The following RIMBP2 variants were observed in gnomAD, a reference collection of about 807,000 sequenced individuals.
RIMBP2 encodes the protein RIMS binding protein 2.
Under a neutral mutation model 118.6 loss-of-function variants are expected in RIMBP2, and 48 were observed. The ratio of observed to expected loss-of-function variants is 0.40; its 90% CI spans 0.32 to 0.51. RIMBP2 has a LOEUF of 0.51. Ranked by LOEUF, RIMBP2 falls within the 20% of genes least tolerant of loss-of-function variation. The pLI, the probability that RIMBP2 is intolerant of heterozygous loss-of-function variation, is 0.41. For missense variants in RIMBP2, 1,551 were observed against 1,768.3 expected, an observed-to-expected ratio of 0.88 and a Z score of 2.20; for synonymous variants, 762 against 742.9, an observed-to-expected ratio of 1.03 and a Z score of -0.42.
At chr12:130,481,500 G>A (rs954434865) in intron 4 of RIMBP2, among the ~76,000 whole-genome samples, 21 of 152,262 alleles carry the variant, frequency 1.4e-4, no homozygotes, top group Non-Finnish European at 2.4e-4. Flanking sequence ...CCTCTCTGCT[G>A]TCTCCAGAAG....
intron 6 of RIMBP2, among the ~76,000 whole-genome samples, chr12:130,460,533 T>C (rs75775708): frequency 0.031 from 4,779 of 152,170 alleles, 260 homozygotes; most frequent in African/African-American, 0.11. Context: ...GTATTAGTAT[T>C]AATAGCAGCC....
Position 130,429,913 on chromosome 12 carries a change from G to A in RIMBP2, c.2254-1576C>T, listed in dbSNP as rs574787324. 2 of 152,302 alleles carry A rather than the reference G, an allele frequency of 1.3e-5. 1 individual carries two copies. Among genetic ancestry groups the A allele is most frequent in the South Asian group, 4.1e-4 (2 of 4,824 alleles). 9.4% of individuals were successfully genotyped at this position (152,302 alleles called of 1,614,324 possible). ...GGGTTTAAATGGATTTAAAAGGTGA[G>A]ACTGGGTCTAACGAGGCCCTCCCAA... On this transcript the variant is annotated intron_variant, in intron 14 of 22. Transcript: ENST00000690449.
At chr12:130,494,415 G>A (rs922923662) in intron 4 of RIMBP2, among the ~76,000 whole-genome samples, 5 of 152,094 alleles carry the variant, frequency 3.3e-5, no homozygotes, top group African/African-American at 1.2e-4. Flanking sequence ...AAGGCAGGCA[G>A]ATCACCCGAG....
chr12:130,561,053 G>A (rs1159185915), intron 2 of RIMBP2, among the ~76,000 whole-genome samples: 2 of 152,184 alleles, frequency 1.3e-5, no homozygotes, highest in Non-Finnish European at 2.9e-5. Flanking sequence ...AACGCCATGG[G>A]AAGATAAAAG....
chr12:130,417,733 T>C (rs1448439969), intron 17 of RIMBP2, among the ~76,000 whole-genome samples: 1 of 152,188 alleles, frequency 6.6e-6, no homozygotes, highest in East Asian at 1.9e-4. Flanking sequence ...AAAATAAAAG[T>C]TGAAAGTTTA....
At chr12:130,635,861 C>T (rs1244474362) in intron 1 of RIMBP2, among the ~76,000 whole-genome samples, 1 of 152,048 alleles carries the variant, frequency 6.6e-6, no homozygotes, top group Non-Finnish European at 1.5e-5. Flanking sequence ...CTTCTGACTT[C>T]ACTCCCCTGC....
intron 1 of RIMBP2, among the ~76,000 whole-genome samples, chr12:130,699,904 TAAAAAAAA>T (rs33963621): frequency 9.3e-5 from 8 of 85,676 alleles, no homozygotes; most frequent in Non-Finnish European, 1.4e-4. Context: ...GACTCTGTCT[TAAAAAAAA>T]AAAAAAAAAA....
chr12:130,507,398 C>G (rs1369181403), intron 3 of RIMBP2, among the ~76,000 whole-genome samples: 1 of 152,208 alleles, frequency 6.6e-6, no homozygotes, highest in Non-Finnish European at 1.5e-5. Flanking sequence ...TTTGCTTACA[C>G]CAATTTGAAT....
At chr12:130,646,782 G>A (rs1454185257) in intron 1 of RIMBP2, among the ~76,000 whole-genome samples, 2 of 152,264 alleles carry the variant, frequency 1.3e-5, no homozygotes, top group Non-Finnish European at 2.9e-5. Flanking sequence ...TTTATTGCAG[G>A]TCGCACAACT....
At chr12:130,509,933 G>A (rs992162447) in intron 3 of RIMBP2, among the ~76,000 whole-genome samples, 14 of 152,192 alleles carry the variant, frequency 9.2e-5, no homozygotes, top group African/African-American at 3.1e-4. Context: ...GGGAGGAATC[G>A]ATTCAGATTC....
At chr12:130,524,961 C>A (rs565981720) in intron 2 of RIMBP2, among the ~76,000 whole-genome samples, 1 of 152,066 alleles carries the variant, frequency 6.6e-6, no homozygotes, top group Non-Finnish European at 1.5e-5. Flanking sequence ...AGTGTGAGAC[C>A]CCACGTGAGG....
At chr12:130,709,452 C>G (rs938379227) in intron 1 of RIMBP2, among the ~76,000 whole-genome samples, 1 of 152,238 alleles carries the variant, frequency 6.6e-6, no homozygotes, top group Non-Finnish European at 1.5e-5. Flanking sequence ...CCGCAGCCTG[C>G]GGGGCAGCTC....
At chr12:130,414,021 G>A in intron 18 of RIMBP2, 104 bp downstream of exon 18, 1 of 1,228,960 alleles carries the variant, frequency 8.1e-7, no homozygotes, top group Non-Finnish European at 1.2e-6. Flanking sequence ...TGGCCTGCAG[G>A]AGAAGGCCAT....
rs547940502 is a variant in RIMBP2 at position 130,618,009 on chromosome 12, T to C, written c.-217+10313A>G. The stretch of plus-strand genomic sequence containing the variant: ...GAGTTTGAGACCAGCCTGGGCAACA[T>C]AGAAAGACCTCTTCTAAAAAAAAAA... On this transcript the variant is annotated intron_variant, in intron 2 of 22. Transcript: ENST00000690449. Among the ~76,000 whole-genome samples, 48 of 25,862 alleles carry C rather than the reference T, an allele frequency of 1.9e-3. 1 individual carries two copies. In the South Asian group the frequency reaches 0.042, roughly 22 times the overall value. 17.0% of individuals were successfully genotyped at this position (25,862 alleles called of 152,430 possible). A position where few individuals can be genotyped will look rare whatever the true frequency, so the allele number is the denominator to read the frequency against.
At chr12:130,652,980 T>G (rs574654267) in intron 1 of RIMBP2, among the ~76,000 whole-genome samples, 1 of 152,140 alleles carries the variant, frequency 6.6e-6, no homozygotes, top group African/African-American at 2.4e-5. Context: ...ACAAGGCCCC[T>G]TCCCAACAGT....
At chr12:130,666,785 G>C (rs1355711026) in intron 1 of RIMBP2, among the ~76,000 whole-genome samples, 1 of 139,232 alleles carries the variant, frequency 7.2e-6, no homozygotes. Flanking sequence ...GAGGGAAGAA[G>C]GGAGGGATGG....
intron 4 of RIMBP2, among the ~76,000 whole-genome samples, chr12:130,491,465 T>C (rs2048636595): frequency 6.6e-6 from 1 of 152,196 alleles, no homozygotes; most frequent in Non-Finnish European, 1.5e-5. Flanking sequence ...ATGAGAACCT[T>C]TTCTGCAGTG....
intron 12 of RIMBP2, 103 bp downstream of exon 12, chr12:130,438,262 G>T: frequency 1.5e-6 from 2 of 1,353,834 alleles, no homozygotes; most frequent in South Asian, 2.7e-5. Context: ...AGTGATCAGG[G>T]CTGGAAGAGC....
rs370091907 is a variant in RIMBP2, at chr12:130,646,090, C to A, written c.-351-17634G>T. 3.3e-3 allele frequency among the ~76,000 whole-genome samples: 378 copies of A among 116,078 alleles called. 8 individuals carry two copies. Among genetic ancestry groups the A allele is most frequent in the African/African-American group, 0.012 (332 of 27,956 alleles). The allele number at this position is 116,078 out of a possible 152,430, so 76.2% of individuals were successfully genotyped here. The stretch of plus-strand genomic sequence containing the variant: ...GCCTCTCCACCTCCCTCACCACTTC[C>A]CTCTCCACCTCCCTCTCCACCTCCC... On this transcript the variant is annotated intron_variant, in intron 1 of 22. Coordinates refer to ENST00000690449, the MANE Select transcript of RIMBP2 (RefSeq NM_001393629.1).
Sources: gnomAD v4.1 joint callset for allele counts (sites outside exome capture counted in the v4.1 genomes callset) on GRCh38, gnomAD v4.1.1 for gene constraint, MANE v1.5 for transcripts, NCBI Gene and HGNC (gene_info 2026-07-23, HGNC 2026-07-21) for gene names.